ZYG11B: variants seen among roughly 807,000 people sequenced by gnomAD.
ZYG11B encodes the protein zyg-11 family member B, cell cycle regulator, also known as protein zyg-11 homolog B.
A neutral mutation model predicts 82.4 loss-of-function variants in ZYG11B; 36 were observed. That is an observed-to-expected ratio of 0.44 (90% CI 0.33 to 0.58). The LOEUF (loss-of-function observed/expected upper bound fraction) is 0.58, where lower values mean the gene tolerates loss of function less well. Ranked by LOEUF, ZYG11B falls within the 20% of genes least tolerant of loss-of-function variation. ZYG11B has a pLI of 0.02. For missense variants in ZYG11B, 552 were observed against 895.6 expected (o/e 0.62, Z 4.90); for synonymous variants, 303 against 312.8 (o/e 0.97, Z 0.33).
intron 1 of ZYG11B, among the ~76,000 whole-genome samples, chr1:52,739,401 A>G (rs1006182325): frequency 7.2e-5 from 11 of 152,170 alleles, no homozygotes; most frequent in Non-Finnish European, 1.3e-4. Context: ...CATCTCTTAA[A>G]GAAAAGGTAG....
chr1:52,814,378 T>C (rs1035114912), intron 12 of ZYG11B, among the ~76,000 whole-genome samples: 2 of 152,198 alleles, frequency 1.3e-5, no homozygotes, highest in Non-Finnish European at 2.9e-5. Flanking sequence ...CACCTATCAC[T>C]CTTCATGTTT....
chr1:52,770,310 C>T (rs72893485), intron 2 of ZYG11B, among the ~76,000 whole-genome samples: 3 of 151,736 alleles, frequency 2.0e-5, no homozygotes, highest in African/African-American at 4.8e-5. Context: ...AGGCCTAGAT[C>T]GCTTTAATAA....
At chr1:52,781,416 T>C (rs1488960286) in intron 4 of ZYG11B, among the ~76,000 whole-genome samples, 2 of 151,942 alleles carry the variant, frequency 1.3e-5, no homozygotes, top group African/African-American at 4.8e-5. Context: ...GGAGAATTGC[T>C]CAAGCCAGGG....
intron 1 of ZYG11B, among the ~76,000 whole-genome samples, chr1:52,746,065 A>G (rs1644473645): frequency 6.6e-6 from 1 of 151,774 alleles, no homozygotes; most frequent in Non-Finnish European, 1.5e-5. Context: ...GGTTCAAGCA[A>G]TTCTCCTGCC....
chr1:52,780,003 A>G lies in ZYG11B; in HGVS notation c.1092+10A>G. ...GCCAGAAATTTTAAAGGTAAGAATA[A>G]GAAACTGGATATGAAATTTTTGAAA... On this transcript the variant is annotated intron_variant, in intron 4 of 13. Coordinates refer to ENST00000294353, the MANE Select transcript of ZYG11B (RefSeq NM_024646.3). 1.2e-6 allele frequency: 2 copies of G among 1,607,082 alleles called. No homozygotes were observed. The highest frequency in any genetic ancestry group is 1.7e-6 in the Non-Finnish European group (2 of 1,177,806).
intron 1 of ZYG11B, among the ~76,000 whole-genome samples, chr1:52,727,798 G>C (rs1366704936): frequency 1.3e-5 from 2 of 152,024 alleles, no homozygotes; most frequent in Non-Finnish European, 2.9e-5. Flanking sequence ...CATTGAGTTG[G>C]GTTATAAGTG....
intron 6 of ZYG11B, among the ~76,000 whole-genome samples, chr1:52,795,962 A>G (rs149795057): frequency 7.9e-5 from 12 of 152,318 alleles, no homozygotes; most frequent in Admixed American, 5.9e-4. Context: ...GCTATGAGGA[A>G]CCCAAAAAAT....
At chr1:52,798,319 A>G (rs1645045705) in intron 8 of ZYG11B, among the ~76,000 whole-genome samples, 2 of 152,024 alleles carry the variant, frequency 1.3e-5, no homozygotes, top group Middle Eastern at 3.4e-3. Flanking sequence ...CATAAGTGTT[A>G]AGATCCTATC....
chr1:52,734,061 T>C (rs1186851514), intron 1 of ZYG11B, among the ~76,000 whole-genome samples: 1 of 152,150 alleles, frequency 6.6e-6, no homozygotes, highest in Non-Finnish European at 1.5e-5. Context: ...TGCAGGGGCG[T>C]AATCATAGCT....
chr1:52,787,282 A>T (rs932901227), intron 5 of ZYG11B, among the ~76,000 whole-genome samples: 1 of 152,210 alleles, frequency 6.6e-6, no homozygotes, highest in Non-Finnish European at 1.5e-5. Context: ...TGGGTATTTT[A>T]AAAAATGCAG....
chr1:52,755,161 C>T (rs562589036), intron 1 of ZYG11B, among the ~76,000 whole-genome samples: 69 of 152,040 alleles, frequency 4.5e-4, no homozygotes, highest in African/African-American at 1.3e-3. Flanking sequence ...TGGGATTTGA[C>T]CGTGTTAGCC....
At chr1:52,797,421 T>TATATATATATA (rs1558137802) in intron 8 of ZYG11B, among the ~76,000 whole-genome samples, 3 of 102,722 alleles carry the variant, frequency 2.9e-5, no homozygotes, top group African/African-American at 8.4e-5. Flanking sequence ...TCATATATTA[T>TATATATATATA]ACATATTATA....
intron 10 of ZYG11B, among the ~76,000 whole-genome samples, chr1:52,803,249 C>CATAT (rs202177836): frequency 4.5e-5 from 2 of 44,414 alleles, no homozygotes; most frequent in Admixed American, 2.9e-4. Flanking sequence ...TACACACACA[C>CATAT]ATATATATAT....
At chr1:52,778,969 A>G (rs992553083) in intron 3 of ZYG11B, among the ~76,000 whole-genome samples, 7 of 152,124 alleles carry the variant, frequency 4.6e-5, no homozygotes, top group Non-Finnish European at 1.0e-4. Flanking sequence ...GAATGGATCA[A>G]TGTAGTGGGG....
intron 1 of ZYG11B, among the ~76,000 whole-genome samples, chr1:52,739,957 TGTGGGATA>T (rs1326826061): frequency 6.6e-6 from 1 of 152,186 alleles, no homozygotes; most frequent in Non-Finnish European, 1.5e-5. Flanking sequence ...ATTACTATTT[TGTGGGATA>T]GTCAAGAGGT....
At chr1:52,738,985 C>CTTCTTTTTTTTTTTTTTTTTT (rs1247210990) in intron 1 of ZYG11B, among the ~76,000 whole-genome samples, 1 of 106,308 alleles carries the variant, frequency 9.4e-6, no homozygotes, top group African/African-American at 4.0e-5. Context: ...GCCCTGTAAC[C>CTTCTTTTTTTTTTTTTTTTTT]TTTTTTTTTT....
At chr1:52,802,836 C>T (rs1443842858) in intron 10 of ZYG11B, among the ~76,000 whole-genome samples, 16 of 151,150 alleles carry the variant, frequency 1.1e-4, no homozygotes, top group South Asian at 2.1e-4. Flanking sequence ...CTGGCTAACA[C>T]GGTGAAACCC....
At chr1:52,805,380 T>G in intron 10 of ZYG11B, 1 of 436,986 alleles carries the variant, frequency 2.3e-6, no homozygotes, top group Admixed American at 2.5e-5. Flanking sequence ...GTTGTAGCCT[T>G]CATTATATAA....
At chr1:52,764,559 A>G in intron 2 of ZYG11B, among the ~76,000 whole-genome samples, 1 of 152,156 alleles carries the variant, frequency 6.6e-6, no homozygotes, top group East Asian at 1.9e-4. Flanking sequence ...AAGATTCCTC[A>G]TCTGTAAAGT....
Sources: allele counts gnomAD v4.1 joint callset (sites outside exome capture counted in the v4.1 genomes callset), GRCh38; gene constraint gnomAD v4.1.1; transcripts MANE v1.5; gene names NCBI Gene and HGNC (gene_info 2026-07-23, HGNC 2026-07-21).